The following NUDT5 variants were observed in gnomAD, a reference collection of about 807,000 sequenced individuals.
The protein encoded by NUDT5 is nudix hydrolase 5, also known as ADP-sugar pyrophosphatase.
NUDT5 carries 21 observed loss-of-function variants against 34.1 expected under a neutral mutation model. That is an observed-to-expected ratio of 0.62 (90% CI 0.44 to 0.89). The LOEUF (loss-of-function observed/expected upper bound fraction) is 0.89, where lower values mean the gene tolerates loss of function less well. Among genes scored for constraint, NUDT5 ranks in the 40% least tolerant of loss-of-function variants. The pLI, the probability that NUDT5 is intolerant of heterozygous loss-of-function variation, is 0.00. For missense variants in NUDT5, 249 were observed against 274.8 expected, an observed-to-expected ratio of 0.91 and a Z score of 0.66; for synonymous variants, 85 against 97.6, an observed-to-expected ratio of 0.87 and a Z score of 0.76.
chr10:12,189,821 A>G (rs1285654733), intron 1 of NUDT5, among the ~76,000 whole-genome samples: 1 of 152,242 alleles, frequency 6.6e-6, no homozygotes, highest in African/African-American at 2.4e-5. Flanking sequence ...GTTAGAATTT[A>G]AGGTAATTTG....
In NUDT5 at chr10:12,168,480, T is replaced by TA. The variant is rs1834766377; in HGVS notation, c.551-670dup. Among the ~76,000 whole-genome samples, 1 of 152,188 alleles carries TA rather than the reference T, an allele frequency of 6.6e-6. No homozygotes were observed. Among genetic ancestry groups the TA allele is most frequent in the South Asian group, 2.1e-4 (1 of 4,832 alleles). On this transcript the variant is annotated intron_variant, in intron 9 of 9. Transcript: ENST00000491614. This position sits in a 1 kb window ranked among gnomAD's most constrained non-coding sequence, Gnocchi z 4.8. ...TTCCATCTTTTCTGCTGCTAGGGGA[T>TA]ACATATGTTCCCCCGGCAAGTTAAA... is the stretch of plus-strand genomic sequence containing the variant.
rs1030084865 is a variant in NUDT5 at position 12,170,006 on chromosome 10, TAC to T, written c.550+709_550+710del. 2.9e-6 allele frequency: 3 copies of T among 1,021,882 alleles called. No homozygotes were observed. In the African/African-American group the frequency reaches 4.8e-5, roughly 16 times the overall value. 63.3% of individuals were successfully genotyped at this position (1,021,882 alleles called of 1,614,324 possible). A position where few individuals can be genotyped will look rare whatever the true frequency, so the allele number is the denominator to read the frequency against. On this transcript the variant is annotated intron_variant, in intron 9 of 9. Transcript: ENST00000491614. This position sits in a 1 kb window ranked among gnomAD's most constrained non-coding sequence, Gnocchi z 4.9. The stretch of plus-strand genomic sequence containing the variant: ...TGAGTGAAAGGGATTTGCCAGCCCA[TAC>T]AGAGGTGCTCCTTGAAGGGCCCATG...
intron 5 of NUDT5, among the ~76,000 whole-genome samples, chr10:12,174,659 C>G (rs1564423337): frequency 2.0e-5 from 3 of 152,346 alleles, no homozygotes; most frequent in Non-Finnish European, 4.4e-5. Flanking sequence ...TCCAGTCGTC[C>G]TATTCAGACC....
intron 7 of NUDT5, among the ~76,000 whole-genome samples, chr10:12,172,153 A>C (rs1407733415): frequency 1.3e-5 from 2 of 152,218 alleles, no homozygotes; most frequent in African/African-American, 4.8e-5. Context: ...ACCCCCTTTA[A>C]AAGGATGGGA....
At chr10:12,168,000 C>A in intron 9 of NUDT5, 189 bp from the exon 10 acceptor site, 2 of 1,094,634 alleles carry the variant, frequency 1.8e-6, no homozygotes, top group Non-Finnish European at 2.4e-6. Context: ...ACATTCCTAG[C>A]ATGAGACAAG....
At chr10:12,180,558 G>C (rs971477553) in intron 3 of NUDT5, 1 of 152,188 alleles carries the variant, frequency 6.6e-6, no homozygotes, top group Non-Finnish European at 1.5e-5. Flanking sequence ...AAGCAGTAAC[G>C]AGCCATAAAT....
intron 3 of NUDT5, among the ~76,000 whole-genome samples, chr10:12,184,263 T>C (rs1211439764): frequency 6.6e-6 from 1 of 152,108 alleles, no homozygotes; most frequent in Non-Finnish European, 1.5e-5. Context: ...CCTAGGCTGG[T>C]CTTGAACTCC....
At position 12,173,602 on chromosome 10, in the gene NUDT5, C is replaced by G; in HGVS notation, c.385+116G>C. The G allele has an allele frequency of 1.2e-6, 1 of 849,272 alleles. No homozygotes were observed. The highest frequency in any genetic ancestry group is 2.0e-6 in the Non-Finnish European group (1 of 502,040). The allele number at this position is 849,272 out of a possible 1,614,324, so 52.6% of individuals were successfully genotyped here. On this transcript the variant is annotated intron_variant, in intron 6 of 9. Coordinates refer to ENST00000491614, the MANE Select transcript of NUDT5 (RefSeq NM_014142.4). The surrounding 1 kb of genome is among the most constrained non-coding windows in gnomAD (Gnocchi z 4.7). Reference sequence around the variant, plus strand: ...GATTCCCTTACACTTGGTGACCAGTCCTAATCTGTGATTTCTTTCTCTTCA... The same window carrying G: ...GATTCCCTTACACTTGGTGACCAGTGCTAATCTGTGATTTCTTTCTCTTCA...
chr10:12,175,847 G>A lies in NUDT5; in HGVS notation c.289+1946C>T, dbSNP rs1200844601. Among the ~76,000 whole-genome samples the A allele has an allele frequency of 6.6e-6, 1 of 151,994 alleles. No homozygotes were observed. Among genetic ancestry groups the A allele is most frequent in the East Asian group, 1.9e-4 (1 of 5,188 alleles). On this transcript the variant is annotated intron_variant, in intron 5 of 9. Transcript: ENST00000491614. The surrounding 1 kb of genome is among the most constrained non-coding windows in gnomAD (Gnocchi z 4.8). ...GGCTGCAATGGGCTGTGATGGTGCC[G>A]GAGCACACCAGCCTCAGCAACAGAG...
chr10:12,174,200 A>G (rs6602567), intron 5 of NUDT5, among the ~76,000 whole-genome samples: 150,637 of 152,004 alleles, frequency 0.99, 74,665 homozygotes, highest in Middle Eastern at 1. Context: ...CTGCTGCTGC[A>G]CTACGTTAGG....
intron 5 of NUDT5, among the ~76,000 whole-genome samples, chr10:12,176,403 A>C (rs1022283759): frequency 4.0e-5 from 6 of 151,706 alleles, no homozygotes; most frequent in African/African-American, 1.5e-4. Context: ...CAGGAGTTCG[A>C]GACCAATCTG....
rs78958913 is a variant in NUDT5, at chr10:12,192,544, A to T, written c.-42+3226T>A. Reference sequence around the variant, plus strand: ...ATTTTGGTCATAGTTAAAAATTTTTAAATTCTATTTTTAAAAGATAATATT... The same window carrying T: ...ATTTTGGTCATAGTTAAAAATTTTTTAATTCTATTTTTAAAAGATAATATT... On this transcript the variant is annotated intron_variant, in intron 1 of 9. Transcript: ENST00000491614. Among the ~76,000 whole-genome samples the T allele has an allele frequency of 0.012, 1,844 of 152,282 alleles. 60 individuals are homozygous for T. In the East Asian group the frequency reaches 0.14, roughly 11 times the overall value.
chr10:12,195,327 C>G (rs1835316277), intron 1 of NUDT5, among the ~76,000 whole-genome samples: 1 of 152,188 alleles, frequency 6.6e-6, no homozygotes, highest in African/African-American at 2.4e-5. Context: ...TGATAAAAAT[C>G]TGCGTTTTTT....
At chr10:12,172,705 G>C in intron 7 of NUDT5, 60 bp downstream of exon 7, 1 of 1,120,206 alleles carries the variant, frequency 8.9e-7, no homozygotes, top group Non-Finnish European at 1.4e-6. Context: ...CAAACTAGCA[G>C]CAAGTTCCAA....
At chr10:12,192,727 A>T (rs1466324604) in intron 1 of NUDT5, among the ~76,000 whole-genome samples, 3 of 152,116 alleles carry the variant, frequency 2.0e-5, no homozygotes, top group African/African-American at 7.2e-5. Context: ...GGCACACGCC[A>T]GTAGTCCCAG....
In NUDT5 at chr10:12,183,183, T is replaced by C. The variant is rs144632200; in HGVS notation, c.131+1706A>G. Among the ~76,000 whole-genome samples the C allele has an allele frequency of 1.5e-3, 228 of 152,362 alleles. 1 individual carries two copies. The highest frequency in any genetic ancestry group is 5.3e-3 in the African/African-American group (220 of 41,582). Reference sequence around the variant, plus strand: ...TCACAAATATAAATACATTTGAACATATGGTGCTCCCTAAGACTTGGGCCT... The same window carrying C: ...TCACAAATATAAATACATTTGAACACATGGTGCTCCCTAAGACTTGGGCCT... On this transcript the variant is annotated intron_variant, in intron 3 of 9. Coordinates refer to ENST00000491614, the MANE Select transcript of NUDT5 (RefSeq NM_014142.4).
rs909625844 is a variant in NUDT5, at chr10:12,170,387, C to T, written c.550+330G>A. On this transcript the variant is annotated intron_variant, in intron 9 of 9. Transcript: ENST00000491614. The surrounding 1 kb of genome is among the most constrained non-coding windows in gnomAD (Gnocchi z 4.9). Reference sequence around the variant, plus strand: ...TGAGGAAAAGCTAACAGCTTATCTACCCACACCTTTGCATTGCTATGGACT... The same window carrying T: ...TGAGGAAAAGCTAACAGCTTATCTATCCACACCTTTGCATTGCTATGGACT... 3 of 638,682 alleles carry T rather than the reference C, an allele frequency of 4.7e-6. No individual in the cohort carries two copies. The African/African-American group carries it at 5.5e-5, about 12-fold the overall frequency. 39.6% of individuals were successfully genotyped at this position (638,682 alleles called of 1,614,324 possible).
At position 12,165,341 on chromosome 10, in the gene NUDT5, C is replaced by A; in HGVS notation, c.*2361G>T. 1 of 981,494 alleles carries A rather than the reference C, an allele frequency of 1.0e-6. No individual in the cohort carries two copies. The highest frequency in any genetic ancestry group is 4.7e-5 in the South Asian group (1 of 21,204). The allele number at this position is 981,494 out of a possible 1,614,324, so 60.8% of individuals were successfully genotyped here. A position where few individuals can be genotyped will look rare whatever the true frequency, so the allele number is the denominator to read the frequency against. On this transcript the variant is annotated 3_prime_UTR_variant, in exon 10 of 10. Transcript: ENST00000491614. ...CAGCAACATGAGTGTAAACAGTAGA[C>A]AATAAACTTTTATTTAAGAAAACTG... is the stretch of plus-strand genomic sequence containing the variant.
At chr10:12,190,005 T>A (rs11257586) in intron 1 of NUDT5, among the ~76,000 whole-genome samples, 2,397 of 152,022 alleles carry the variant, frequency 0.016, 68 homozygotes, top group East Asian at 0.11. Context: ...GCCATTCTCC[T>A]GCCTCAGCCT....
Sources: allele counts gnomAD v4.1 joint callset (sites outside exome capture counted in the v4.1 genomes callset), GRCh38; gene constraint gnomAD v4.1.1; non-coding constraint Gnocchi (gnomAD v3.1); transcripts MANE v1.5; gene names NCBI Gene and HGNC (gene_info 2026-07-23, HGNC 2026-07-21).